P3H2: variants seen among roughly 807,000 people sequenced by gnomAD.
P3H2 encodes leprecan-like 1.
Under a neutral mutation model 87.0 loss-of-function variants are expected in P3H2, and 80 were observed. That is an observed-to-expected ratio of 0.92 (90% CI 0.77 to 1.11). The LOEUF (loss-of-function observed/expected upper bound fraction) is 1.11. Ranked by LOEUF, P3H2 falls within the 50% of genes least tolerant of loss-of-function variation. The probability of loss-of-function intolerance (pLI) is 0.00; values close to 1 mark genes in which losing one functional copy is unlikely to be tolerated. For synonymous variants in P3H2, 367 were observed against 359.3 expected (o/e 1.02, Z -0.24); for missense variants, 1,001 against 923.9 (o/e 1.08, Z -1.08).
rs761185354 is a variant in P3H2 at position 189,987,638 on chromosome 3, G to A, written c.987C>T (p.Ala329=). 1 of 1,614,128 alleles carries A rather than the reference G, an allele frequency of 6.2e-7. No individual in the cohort carries two copies. ...CTGGATGGCATAGAAGATAGGCTTT[G>A]GCACACTCCAGGGCTTTCACATACT... ...VGEYVKALEC[A]KAYLLCHPDD... Residue 329 remains alanine (A), a synonymous_variant, in exon 5 of 15, where the codon GCC becomes GCT. Coordinates refer to ENST00000319332, the MANE Select transcript of P3H2 (RefSeq NM_018192.4).
intron 1 of P3H2, among the ~76,000 whole-genome samples, chr3:190,102,219 G>A (rs1711653913): frequency 6.6e-6 from 1 of 152,148 alleles, no homozygotes. Context: ...TGTAATAGAG[G>A]AGTAACTTTG....
intron 9 of P3H2, 65 bp from the exon 10 acceptor site, chr3:189,974,069 C>G: frequency 2.2e-6 from 3 of 1,342,650 alleles, no homozygotes; most frequent in East Asian, 4.6e-5. Context: ...TCTTTTTCTG[C>G]TTTGGCTGCC....
intron 1 of P3H2, among the ~76,000 whole-genome samples, chr3:190,105,222 A>G (rs1330243387): frequency 6.6e-6 from 1 of 152,196 alleles, no homozygotes; most frequent in African/African-American, 2.4e-5. Context: ...AGGGCTTCCT[A>G]TTAGATCTCA....
chr3:190,059,982 G>C (rs751208075), intron 1 of P3H2, among the ~76,000 whole-genome samples: 3 of 152,118 alleles, frequency 2.0e-5, no homozygotes, highest in Non-Finnish European at 4.4e-5. Context: ...AATTTTTCCA[G>C]GTATCTACCT....
chr3:190,074,156 T>C (rs560894048), intron 1 of P3H2, among the ~76,000 whole-genome samples: 1 of 152,314 alleles, frequency 6.6e-6, no homozygotes, highest in South Asian at 2.1e-4. Context: ...TAAAGTGTGA[T>C]TGGATAACTT....
intron 1 of P3H2, among the ~76,000 whole-genome samples, chr3:190,023,514 G>A (rs1011826291): frequency 1.3e-5 from 2 of 152,278 alleles, no homozygotes; most frequent in Non-Finnish European, 2.9e-5. Flanking sequence ...AGCGGGTAGA[G>A]CCCCTTATAA....
chr3:190,088,490 T>G (rs1727300195), intron 1 of P3H2, among the ~76,000 whole-genome samples: 1 of 152,236 alleles, frequency 6.6e-6, no homozygotes, highest in South Asian at 2.1e-4. Context: ...ATCTCTCTTG[T>G]ATTTAGGTTG....
At chr3:190,005,250 A>G (rs1331777283) in intron 1 of P3H2, among the ~76,000 whole-genome samples, 1 of 152,094 alleles carries the variant, frequency 6.6e-6, no homozygotes, top group Non-Finnish European at 1.5e-5. Context: ...AGCCTCAGAC[A>G]TCAAATGCTT....
At chr3:190,011,593 T>G (rs979964417) in intron 1 of P3H2, among the ~76,000 whole-genome samples, 1 of 152,180 alleles carries the variant, frequency 6.6e-6, no homozygotes, top group African/African-American at 2.4e-5. Context: ...TGAAAAGTGC[T>G]GAAAACCCCA....
At chr3:189,973,206 A>G (rs538225574) in intron 10 of P3H2, 182 bp from the exon 11 acceptor site, 150 of 599,004 alleles carry the variant, frequency 2.5e-4, no homozygotes, top group African/African-American at 2.2e-3. Context: ...ACTCTTCCCA[A>G]TAACAGATGG....
chr3:190,075,707 G>A (rs1203012712), intron 1 of P3H2, among the ~76,000 whole-genome samples: 1 of 152,040 alleles, frequency 6.6e-6, no homozygotes, highest in Non-Finnish European at 1.5e-5. Context: ...CATCAAGAAA[G>A]AGAGAAGTGG....
At chr3:189,963,787 A>G in intron 14 of P3H2, 171 bp downstream of exon 14, 1 of 716,486 alleles carries the variant, frequency 1.4e-6, no homozygotes, top group Non-Finnish European at 2.4e-6. Context: ...TGACTATCAA[A>G]TATCATTGAC....
At chr3:190,019,783 AAAATATATAT>A (rs1213739389) in intron 1 of P3H2, among the ~76,000 whole-genome samples, 2,618 of 99,208 alleles carry the variant, frequency 0.026, 416 homozygotes, top group African/African-American at 0.11. Flanking sequence ...TAGAAATTAA[AAAATATATAT>A]ATATATATAT....
chr3:189,970,297 T>A (rs1019546387), intron 13 of P3H2, among the ~76,000 whole-genome samples: 45 of 142,692 alleles, frequency 3.2e-4, no homozygotes, highest in Admixed American at 4.3e-4. Context: ...ATATATATAT[T>A]TTTTATATAT....
At chr3:189,987,489 A>G in intron 5 of P3H2, 38 bp downstream of exon 5, 3 of 1,594,716 alleles carry the variant, frequency 1.9e-6, no homozygotes, top group Non-Finnish European at 2.6e-6. Context: ...TAAAAAAAAA[A>G]AAAAAAAAAG....
chr3:190,007,532 G>T (rs891759477), intron 1 of P3H2, among the ~76,000 whole-genome samples: 1 of 152,046 alleles, frequency 6.6e-6, no homozygotes, highest in Non-Finnish European at 1.5e-5. Flanking sequence ...ATCGAGCAAA[G>T]TCTTCACTTG....
chr3:190,010,845 C>T (rs41488048), intron 1 of P3H2, among the ~76,000 whole-genome samples: 36,452 of 151,950 alleles, frequency 0.24, 4,562 homozygotes, highest in East Asian at 0.35. Context: ...TGTCTTACAC[C>T]GGAAATCACA....
chr3:190,073,513 C>T (rs796828121), intron 1 of P3H2, among the ~76,000 whole-genome samples: 7 of 152,278 alleles, frequency 4.6e-5, no homozygotes, highest in African/African-American at 1.7e-4. Flanking sequence ...GGGTCATTAA[C>T]CACCAAGGCC....
Position 190,120,301 on chromosome 3 carries a change from T to A in P3H2, c.431A>T (p.Asp144Val). ...GTTGTAGGGCACTCTGCGCTGGAAG[T>A]CGCTGCGCACATCCTCGCTGACGCG... ...RHRVSEDVRS[D>V]FQRRVPYNYL... Residue 144 changes from aspartate to valine, a missense_variant, in exon 1 of 15, where the codon GAC (aspartate) becomes GTC (valine). By Grantham distance (152) the Asp-to-Val change is radical. Coordinates refer to ENST00000319332, the MANE Select transcript of P3H2 (RefSeq NM_018192.4). 1 of 1,609,706 alleles carries A rather than the reference T, an allele frequency of 6.2e-7. No individual in the cohort carries two copies. The highest frequency in any genetic ancestry group is 8.5e-7 in the Non-Finnish European group (1 of 1,178,978).
Sources: gnomAD v4.1 joint callset for allele counts (sites outside exome capture counted in the v4.1 genomes callset) on GRCh38, gnomAD v4.1.1 for gene constraint, MANE v1.5 for transcripts, NCBI Gene and HGNC (gene_info 2026-07-23, HGNC 2026-07-21) for gene names.